Variants in FXR2 observed in about 807,000 individuals in gnomAD.
FXR2 encodes the protein RNA-binding protein FXR2.
A neutral mutation model predicts 87.3 loss-of-function variants in FXR2; 9 were observed. That is an observed-to-expected ratio of 0.10 (90% CI 0.06 to 0.18). The LOEUF (loss-of-function observed/expected upper bound fraction) is 0.18, where lower values mean the gene tolerates loss of function less well. FXR2 is among the 10% of genes least tolerant of loss of function. The pLI, the probability that FXR2 is intolerant of heterozygous loss-of-function variation, is 1.00. For missense variants in FXR2, 661 were observed against 893.6 expected (o/e 0.74, Z 3.32); for synonymous variants, 331 against 328.3 (o/e 1.01, Z -0.09).
chr17:7,597,439 C>T (rs2071716250), intron 7 of FXR2, among the ~76,000 whole-genome samples: 1 of 151,468 alleles, frequency 6.6e-6, no homozygotes, highest in South Asian at 2.1e-4. Context: ...TCTACAATGA[C>T]CTATAAGCGT....
At position 7,593,478 on chromosome 17, in the gene FXR2, G is replaced by C; in HGVS notation, c.1255C>G (p.Leu419Val). The change falls in exon 12 of 17, where the codon CTC becomes GTC. Residue 419 changes from leucine (L) to valine (V), a missense_variant. By Grantham distance (32) the Leu-to-Val change is conservative. Around this residue, in one of 3 missense-constraint regions of FXR2, gnomAD observed 409 missense variants for 432.0 expected, o/e 0.95. Transcript: ENST00000250113. The surrounding 1 kb of genome is among the most constrained non-coding windows in gnomAD (Gnocchi z 6.1). ...CCCCCATAGGTTCGAGTCGCATGGA[G>C]GGAGGAGGAGGAGCTCTCATCAGTG... ...YSTDESSSSS[L>V]HATRTYGGSY... 3 of 1,589,052 alleles carry C rather than the reference G, an allele frequency of 1.9e-6. No individual in the cohort carries two copies. The East Asian group carries it at 6.9e-5, about 36-fold the overall frequency.
At chr17:7,609,983 T>TATATACATGTATATGTATAC (rs1567753934) in intron 1 of FXR2, among the ~76,000 whole-genome samples, 99 of 95,986 alleles carry the variant, frequency 1.0e-3, no homozygotes, top group African/African-American at 4.0e-3. Context: ...TGTATACATA[T>TATATACATGTATATGTATAC]ATATATACAT....
chr17:7,593,598 G>A lies in FXR2; in HGVS notation c.1135C>T (p.Leu379=). The A allele has an allele frequency of 6.3e-7, 1 of 1,592,802 alleles. No individual in the cohort carries two copies. Among genetic ancestry groups the A allele is most frequent in the Non-Finnish European group, 8.5e-7 (1 of 1,170,778 alleles). Reference sequence around the variant, plus strand: ...TGCCGAAGCTGCTCATCAATTTGTAGCCTCTCCAAGCGAAGCTGCTCTACC... The same window carrying A: ...TGCCGAAGCTGCTCATCAATTTGTAACCTCTCCAAGCGAAGCTGCTCTACC... ...QEVEQLRLER[L]QIDEQLRQIG... is the part of the protein sequence containing the mutation. Residue 379 remains leucine (L), a synonymous_variant, in exon 12 of 17, where the codon CTA becomes TTA. Transcript: ENST00000250113. This position sits in a 1 kb window ranked among gnomAD's most constrained non-coding sequence, Gnocchi z 6.1.
chr17:7,611,227 G>A (rs1403551961), intron 1 of FXR2, among the ~76,000 whole-genome samples: 1 of 152,016 alleles, frequency 6.6e-6, no homozygotes, highest in African/African-American at 2.4e-5. Context: ...TCAAGCTCAC[G>A]GTGAGGTATG....
At chr17:7,596,965 T>C (rs1179560485) in intron 7 of FXR2, among the ~76,000 whole-genome samples, 2 of 152,004 alleles carry the variant, frequency 1.3e-5, no homozygotes, top group Non-Finnish European at 2.9e-5. Flanking sequence ...CTGGCCTTGG[T>C]GGGGTGTGCC....
chr17:7,599,776 G>A (rs562739389), intron 7 of FXR2, among the ~76,000 whole-genome samples: 6 of 152,228 alleles, frequency 3.9e-5, no homozygotes, highest in African/African-American at 1.4e-4. Context: ...TACTTGGGAG[G>A]CTGAGGCAGG....
At position 7,593,341 on chromosome 17, in the gene FXR2, G is replaced by A. The variant is rs1448710912; in HGVS notation, c.1330+62C>T. The A allele has an allele frequency of 8.1e-6, 11 of 1,350,592 alleles. No individual in the cohort carries two copies. Among genetic ancestry groups the A allele is most frequent in the Non-Finnish European group, 1.1e-5 (11 of 974,856 alleles). 83.7% of individuals were successfully genotyped at this position (1,350,592 alleles called of 1,614,324 possible). A position where few individuals can be genotyped will look rare whatever the true frequency, so the allele number is the denominator to read the frequency against. On this transcript the variant is annotated intron_variant, in intron 12 of 16. Transcript: ENST00000250113. This position sits in a 1 kb window ranked among gnomAD's most constrained non-coding sequence, Gnocchi z 6.1. ...CCAGATTTCCCCAAACTTCCATCCA[G>A]ACCTCTGCCTCTACCCACAAGCCCT... is the stretch of plus-strand genomic sequence containing the variant.
At chr17:7,600,708 AC>A (rs2071747993) in intron 7 of FXR2, among the ~76,000 whole-genome samples, 1 of 151,870 alleles carries the variant, frequency 6.6e-6, no homozygotes, top group Non-Finnish European at 1.5e-5. Flanking sequence ...ACATGGTGAA[AC>A]CCCATCAATA....
In FXR2 at chr17:7,591,819, G is replaced by A; in HGVS notation, c.*11C>T. ...GCGAGATGGAGAAGGGAGGGGTGCA[G>A]GTTGGAGGTTTTATGAAACCCCATT... is the stretch of plus-strand genomic sequence containing the variant. On this transcript the variant is annotated 3_prime_UTR_variant, in exon 17 of 17. Coordinates refer to ENST00000250113, the MANE Select transcript of FXR2 (RefSeq NM_004860.4). The surrounding 1 kb of genome is among the most constrained non-coding windows in gnomAD (Gnocchi z 4.0). 7.2e-7 allele frequency: 1 copy of A among 1,390,404 alleles called. No homozygotes were observed. The allele number at this position is 1,390,404 out of a possible 1,614,324, so 86.1% of individuals were successfully genotyped here.
At position 7,606,082 on chromosome 17, in the gene FXR2, T is replaced by A; in HGVS notation, c.134+15A>T. On this transcript the variant is annotated intron_variant, in intron 2 of 16. Transcript: ENST00000250113. Reference sequence around the variant, plus strand: ...AGGACCTAGTATGCTGGATTCTCTATTCCCAAGGTCTTACTTGTTTTCAAA... The same window carrying A: ...AGGACCTAGTATGCTGGATTCTCTAATCCCAAGGTCTTACTTGTTTTCAAA... The A allele has an allele frequency of 6.7e-7, 1 of 1,495,958 alleles. No individual in the cohort carries two copies. Among genetic ancestry groups the A allele is most frequent in the Non-Finnish European group, 9.1e-7 (1 of 1,096,726 alleles). 92.7% of individuals were successfully genotyped at this position (1,495,958 alleles called of 1,614,324 possible).
At chr17:7,610,787 T>C (rs1465025239) in intron 1 of FXR2, among the ~76,000 whole-genome samples, 3 of 152,200 alleles carry the variant, frequency 2.0e-5, no homozygotes, top group Admixed American at 6.5e-5. Context: ...GGGAGCCACC[T>C]AGATCCAGAG....
intron 1 of FXR2, among the ~76,000 whole-genome samples, chr17:7,613,643 T>C (rs1278450234): frequency 6.6e-6 from 1 of 152,220 alleles, no homozygotes; most frequent in Non-Finnish European, 1.5e-5. Flanking sequence ...CCTCATAAGC[T>C]TCCTTTCAGA....
intron 1 of FXR2, among the ~76,000 whole-genome samples, chr17:7,610,819 T>C (rs573228902): frequency 3.2e-4 from 49 of 152,290 alleles, no homozygotes; most frequent in African/African-American, 9.4e-4. Context: ...TCAGTGGCCA[T>C]AGCATCACCT....
At position 7,614,598 on chromosome 17, in the gene FXR2, C is replaced by T. The variant is rs2071926553; in HGVS notation, c.-66G>A. The T allele has an allele frequency of 9.5e-7, 1 of 1,051,060 alleles. No individual in the cohort carries two copies. Among genetic ancestry groups the T allele is most frequent in the Non-Finnish European group, 1.3e-6 (1 of 799,430 alleles). The allele number at this position is 1,051,060 out of a possible 1,614,324, so 65.1% of individuals were successfully genotyped here. On this transcript the variant is annotated 5_prime_UTR_variant, in exon 1 of 17. Transcript: ENST00000250113. ...GCAGCAGTCTGAGTGCGGGCCGGGC[C>T]AGGCCCCCGGCGTCTCCCCGGAGGA...
chr17:7,610,456 T>C (rs535913484), intron 1 of FXR2, among the ~76,000 whole-genome samples: 1 of 152,266 alleles, frequency 6.6e-6, no homozygotes, highest in African/African-American at 2.4e-5. Flanking sequence ...TTACCCTAGT[T>C]TTCCCAGCTA....
Position 7,595,502 on chromosome 17 carries a change from A to C in FXR2, c.831+322T>G, listed in dbSNP as rs1348142772. 6.7e-6 allele frequency among the ~76,000 whole-genome samples: 1 copy of C among 150,138 alleles called. No individual in the cohort carries two copies. The highest frequency in any genetic ancestry group is 2.5e-5 in the African/African-American group (1 of 40,778). ...TGGGGGGTAAAGACAGGGTCTCTCT[A>C]TGTTGTCCAGGTTGTTCTCCAACTC... On this transcript the variant is annotated intron_variant, in intron 8 of 16. Transcript: ENST00000250113. This position sits in a 1 kb window ranked among gnomAD's most constrained non-coding sequence, Gnocchi z 4.7.
chr17:7,602,411 A>C lies in FXR2; in HGVS notation c.543+498T>G, dbSNP rs138525317. Among the ~76,000 whole-genome samples the C allele has an allele frequency of 3.7e-3, 564 of 152,088 alleles. 2 individuals carry two copies. The highest frequency in any genetic ancestry group is 9.3e-3 in the African/African-American group (387 of 41,490). ...AAACCCTGTCTCTACTAAAAACACA[A>C]AAAAAAATTAGCCAGGCGCAATGGC... On this transcript the variant is annotated intron_variant, in intron 6 of 16. Coordinates refer to ENST00000250113, the MANE Select transcript of FXR2 (RefSeq NM_004860.4).
chr17:7,607,410 T>A (rs898005507), intron 1 of FXR2, among the ~76,000 whole-genome samples: 2 of 152,150 alleles, frequency 1.3e-5, no homozygotes, highest in African/African-American at 2.4e-5. Flanking sequence ...ACTTTTAGTT[T>A]TTTGTTTTAC....
chr17:7,610,795 G>C (rs1244154725), intron 1 of FXR2, among the ~76,000 whole-genome samples: 1 of 152,216 alleles, frequency 6.6e-6, no homozygotes, highest in African/African-American at 2.4e-5. Context: ...CCTAGATCCA[G>C]AGGATAACTT....
Sources: allele counts gnomAD v4.1 joint callset (sites outside exome capture counted in the v4.1 genomes callset), GRCh38; gene constraint gnomAD v4.1.1; regional missense constraint gnomAD v4.1.1; non-coding constraint Gnocchi (gnomAD v3.1); transcripts MANE v1.5; gene names NCBI Gene and HGNC (gene_info 2026-07-23, HGNC 2026-07-21).